Variants in BEND3 observed in about 807,000 individuals in gnomAD.
BEND3 encodes BEN domain-containing protein 3.
Under a neutral mutation model 60.1 loss-of-function variants are expected in BEND3, and 13 were observed. The ratio of observed to expected loss-of-function variants is 0.22; its 90% CI spans 0.14 to 0.34. The LOEUF (loss-of-function observed/expected upper bound fraction) is 0.34, where lower values mean the gene tolerates loss of function less well. Among genes scored for constraint, BEND3 ranks in the 10% least tolerant of loss-of-function variants. BEND3 has a pLI of 1.00. For synonymous variants in BEND3, 497 were observed against 491.5 expected, an observed-to-expected ratio of 1.01 and a Z score of -0.15; for missense variants, 896 against 1,138.1, an observed-to-expected ratio of 0.79 and a Z score of 3.06.
chr6:107,098,844 C>A, intron 2 of BEND3, 91 bp from the exon 3 acceptor site: 1 of 1,030,534 alleles, frequency 9.7e-7, no homozygotes, highest in South Asian at 1.4e-5. Context: ...GTCTGTGGGC[C>A]GCCCTTTGAC....
chr6:107,074,600 T>C (rs1291222240), intron 3 of BEND3, among the ~76,000 whole-genome samples: 7 of 152,146 alleles, frequency 4.6e-5, no homozygotes, highest in African/African-American at 1.7e-4. Context: ...AAGGCACTTC[T>C]TAGAGGTCTG....
Position 107,069,653 on chromosome 6 carries a change from A to G in BEND3, c.1538T>C (p.Val513Ala). Residue 513 changes from valine (V) to alanine (A), a missense_variant, in exon 4 of 4, where the codon GTG becomes GCG. Coordinates refer to ENST00000369042, the MANE Select transcript of BEND3 (RefSeq NM_001367314.1). ...CCGCTCGCCCTCGAAGCTGTCCTCC[A>G]CCTTGACCACTGAGATGTCGTCGGG... is the stretch of plus-strand genomic sequence containing the variant. ...SLPDDISVVK[V>A]EDSFEGERPG... The G allele has an allele frequency of 6.2e-7, 1 of 1,609,900 alleles. No individual in the cohort carries two copies. The highest frequency in any genetic ancestry group is 8.5e-7 in the Non-Finnish European group (1 of 1,179,966).
chr6:107,073,201 GTATATATATATA>G lies in BEND3; in HGVS notation c.241-2263_241-2252del, dbSNP rs782669876. ...CTTCCTTCAGGGTTTGTATGTGTAT[GTATATATATATA>G]TATATATATATATATATATATATAT... On this transcript the variant is annotated intron_variant, in intron 3 of 3. Transcript: ENST00000369042. Among the ~76,000 whole-genome samples the G allele has an allele frequency of 8.9e-3, 201 of 22,550 alleles. 7 individuals carry two copies. Among genetic ancestry groups the G allele is most frequent in the Non-Finnish European group, 0.012 (122 of 10,524 alleles). The allele number at this position is 22,550 out of a possible 152,430, so 14.8% of individuals were successfully genotyped here.
Position 107,069,451 on chromosome 6 carries a change from G to A in BEND3, c.1740C>T (p.His580=). ...IGNFASRLLV[H]LFPELFTHEN... is the part of the protein sequence containing the mutation. ...CGTGCGTGAAGAGCTCGGGGAACAG[G>A]TGCACCAGCAGGCGCGAGGCGAAGT... The change falls in exon 4 of 4, where the codon CAC becomes CAT. Residue 580 remains histidine (H), a synonymous_variant. Coordinates refer to ENST00000369042, the MANE Select transcript of BEND3 (RefSeq NM_001367314.1). The A allele has an allele frequency of 6.2e-7, 1 of 1,611,260 alleles. No individual in the cohort carries two copies. The highest frequency in any genetic ancestry group is 1.1e-5 in the South Asian group (1 of 90,838).
At chr6:107,089,137 CA>C (rs35806140) in intron 3 of BEND3, among the ~76,000 whole-genome samples, 102,588 of 139,448 alleles carry the variant, frequency 0.74, 36,681 homozygotes, top group East Asian at 0.88. Flanking sequence ...GACTCCGTCT[CA>C]AAAAAAAAAA....
At chr6:107,078,547 T>C (rs970497488) in intron 3 of BEND3, among the ~76,000 whole-genome samples, 16 of 17,986 alleles carry the variant, frequency 8.9e-4, no homozygotes, top group East Asian at 5.3e-3. Context: ...CTCTGCCTCC[T>C]GGGTTCATGC....
At chr6:107,077,153 A>G (rs1194005036) in intron 3 of BEND3, among the ~76,000 whole-genome samples, 3 of 152,070 alleles carry the variant, frequency 2.0e-5, no homozygotes, top group Non-Finnish European at 4.4e-5. Flanking sequence ...ACAAAATCCT[A>G]TTTTAAATGT....
chr6:107,069,062 G>A lies in BEND3; in HGVS notation c.2129C>T (p.Ser710Leu), dbSNP rs782349763. Residue 710 changes from serine to leucine, a missense_variant, in exon 4 of 4, where the codon TCG becomes TTG. This residue lies in a region of BEND3 where 846 missense variants were observed against 1,036.7 expected (regional missense o/e 0.82). Transcript: ENST00000369042. ...GGGAGAAGGCACCGGGAAGTCAGGC[G>A]AGGGGACCACCAGCTCGTCCAAGGG... ...KIPLDELVVP[S>L]PDFPVPSPYL... 1 of 1,613,398 alleles carries A rather than the reference G, an allele frequency of 6.2e-7. No homozygotes were observed. The highest frequency in any genetic ancestry group is 8.5e-7 in the Non-Finnish European group (1 of 1,179,970).
At chr6:107,091,168 A>G (rs1279354272) in intron 3 of BEND3, among the ~76,000 whole-genome samples, 1 of 152,188 alleles carries the variant, frequency 6.6e-6, no homozygotes, top group Non-Finnish European at 1.5e-5. Context: ...GAAATGCAGC[A>G]AAAAGAGTGG....
chr6:107,107,223 C>T (rs1554237651), intron 1 of BEND3, among the ~76,000 whole-genome samples: 1 of 152,106 alleles, frequency 6.6e-6, no homozygotes, highest in East Asian at 1.9e-4. Context: ...AGGTATGAGC[C>T]ACTGCACCCA....
In BEND3 at chr6:107,069,992, A is replaced by C. The variant is rs781925533; in HGVS notation, c.1199T>G (p.Phe400Cys). ...GCCTGGTGAGGAGGCTTCGTCCAGG[A>C]ACTCAGTGAGGTCCTGCGTGTCCAC... ...HVVDTQDLTE[F>C]LDEASSPGEF... The change falls in exon 4 of 4, where the codon TTC becomes TGC. Residue 400 changes from phenylalanine (F) to cysteine (C), a missense_variant. By Grantham distance (205) the Phe-to-Cys change is radical. Transcript: ENST00000369042. 1 of 1,613,680 alleles carries C rather than the reference A, an allele frequency of 6.2e-7. No individual in the cohort carries two copies. The highest frequency in any genetic ancestry group is 1.1e-5 in the South Asian group (1 of 91,074).
At chr6:107,073,026 T>C in intron 3 of BEND3, among the ~76,000 whole-genome samples, 1 of 151,434 alleles carries the variant, frequency 6.6e-6, no homozygotes, top group Non-Finnish European at 1.5e-5. Flanking sequence ...CTCTCTCTTT[T>C]GGATAATAGA....
intron 1 of BEND3, among the ~76,000 whole-genome samples, chr6:107,101,120 T>C (rs1376916368): frequency 6.6e-6 from 1 of 152,140 alleles, no homozygotes; most frequent in African/African-American, 2.4e-5. Context: ...GAGAACTGCT[T>C]GAACCCGGGA....
At chr6:107,092,570 G>T (rs1199723533) in intron 3 of BEND3, among the ~76,000 whole-genome samples, 1 of 152,162 alleles carries the variant, frequency 6.6e-6, no homozygotes, top group African/African-American at 2.4e-5. Flanking sequence ...CAGGCACAAA[G>T]CAAGGATGTC....
At chr6:107,071,330 C>T (rs111941113) in intron 3 of BEND3, among the ~76,000 whole-genome samples, 4,938 of 152,340 alleles carry the variant, frequency 0.032, 97 homozygotes, top group Non-Finnish European at 0.051. Flanking sequence ...GTGCAGCTGC[C>T]GGCCACGGGC....
intron 3 of BEND3, 74 bp from the exon 4 acceptor site, chr6:107,071,024 A>G: frequency 7.2e-7 from 1 of 1,383,758 alleles, no homozygotes; most frequent in South Asian, 1.4e-5. Context: ...GGGTCTGTGT[A>G]GCACACAGAG....
At position 107,068,968 on chromosome 6, in the gene BEND3, G is replaced by A. The variant is rs782137364; in HGVS notation, c.2223C>T (p.Ala741=). 2.5e-6 allele frequency: 4 copies of A among 1,613,848 alleles called. No homozygotes were observed. Among genetic ancestry groups the A allele is most frequent in the Non-Finnish European group, 3.4e-6 (4 of 1,180,018 alleles). Residue 741 remains alanine, a synonymous_variant, in exon 4 of 4, where the codon GCC becomes GCT. Transcript: ENST00000369042. The surrounding 1 kb of genome is among the most constrained non-coding windows in gnomAD (Gnocchi z 5.8). ...QQSLSVGNFA[A]RLLVRLFPEL... ...CGGGAAACAGGCGGACGAGGAGCCGGGCGGCAAAGTTGCCCACGGAGAGGC... is the reference window on the plus strand; with the variant it reads ...CGGGAAACAGGCGGACGAGGAGCCGAGCGGCAAAGTTGCCCACGGAGAGGC...
chr6:107,100,878 G>A (rs1012488753), intron 1 of BEND3, among the ~76,000 whole-genome samples: 5 of 152,186 alleles, frequency 3.3e-5, no homozygotes, highest in African/African-American at 4.8e-5. Flanking sequence ...GGTTGAGGAT[G>A]AGTGGAGAGC....
chr6:107,108,477 C>T (rs1554237855), intron 1 of BEND3, among the ~76,000 whole-genome samples: 2 of 152,160 alleles, frequency 1.3e-5, no homozygotes, highest in African/African-American at 4.8e-5. Flanking sequence ...ACAACGGTGA[C>T]TAATTTTCCT....
Sources: gnomAD v4.1 joint callset for allele counts (sites outside exome capture counted in the v4.1 genomes callset) on GRCh38, gnomAD v4.1.1 for gene constraint, gnomAD v4.1.1 regional missense constraint, Gnocchi (gnomAD v3.1) non-coding constraint, MANE v1.5 for transcripts, NCBI Gene and HGNC (gene_info 2026-07-23, HGNC 2026-07-21) for gene names.